The following SPON1 variants were observed in gnomAD, a reference collection of about 807,000 sequenced individuals.
SPON1 encodes spondin-1.
SPON1 carries 52 observed loss-of-function variants against 111.7 expected under a neutral mutation model. The observed-to-expected ratio is 0.47, with a 90% CI of 0.37 to 0.59. The LOEUF (loss-of-function observed/expected upper bound fraction) is 0.59. SPON1 is among the 20% of genes least tolerant of loss of function. The pLI, the probability that SPON1 is intolerant of heterozygous loss-of-function variation, is 0.00. For synonymous variants in SPON1, 410 were observed against 395.8 expected (o/e 1.04, Z -0.43); for missense variants, 957 against 1,068.5 (o/e 0.90, Z 1.46).
intron 5 of SPON1, among the ~76,000 whole-genome samples, chr11:14,117,929 G>A (rs949060350): frequency 1.9e-4 from 29 of 152,160 alleles, no homozygotes; most frequent in African/African-American, 6.5e-4. Context: ...GTTAGACAAT[G>A]CATAATAAAG....
intron 2 of SPON1, among the ~76,000 whole-genome samples, chr11:14,004,212 A>G (rs564387267): frequency 1.3e-5 from 2 of 152,034 alleles, no homozygotes; most frequent in African/African-American, 4.8e-5. Context: ...CCATTTGTAC[A>G]TTTCCTACAT....
At chr11:14,221,791 G>C (rs532963348) in intron 6 of SPON1, among the ~76,000 whole-genome samples, 51 of 152,292 alleles carry the variant, frequency 3.3e-4, no homozygotes, top group Non-Finnish European at 6.5e-4. Context: ...CAAGAGGAAA[G>C]GTCAGGCTCC....
At chr11:14,067,422 A>G (rs1554920472) in intron 3 of SPON1, among the ~76,000 whole-genome samples, 1 of 152,204 alleles carries the variant, frequency 6.6e-6, no homozygotes, top group African/African-American at 2.4e-5. Flanking sequence ...GCCCCAGGGT[A>G]AGTGACTGCT....
chr11:13,970,234 G>A (rs900489346), intron 1 of SPON1, among the ~76,000 whole-genome samples: 3 of 152,198 alleles, frequency 2.0e-5, no homozygotes, highest in Admixed American at 6.5e-5. Context: ...GTGCAGATAG[G>A]ACAGGGCAAG....
At chr11:13,973,775 G>A (rs931274991) in intron 1 of SPON1, among the ~76,000 whole-genome samples, 1 of 152,192 alleles carries the variant, frequency 6.6e-6, no homozygotes, top group Admixed American at 6.5e-5. Context: ...TGTTTTACAG[G>A]TAAGGACATG....
chr11:14,131,162 C>G (rs1449220686), intron 5 of SPON1, among the ~76,000 whole-genome samples: 1 of 152,158 alleles, frequency 6.6e-6, no homozygotes, highest in South Asian at 2.1e-4. Flanking sequence ...TTTCTAGAGT[C>G]CATCCAATCG....
chr11:14,004,068 A>G (rs150637748), intron 2 of SPON1, among the ~76,000 whole-genome samples: 294 of 152,280 alleles, frequency 1.9e-3, no homozygotes, highest in African/African-American at 6.8e-3. Context: ...TTCACTTAGC[A>G]TAATGTCTTC....
intron 2 of SPON1, among the ~76,000 whole-genome samples, chr11:14,018,791 C>A (rs1002033497): frequency 1.3e-5 from 2 of 152,114 alleles, no homozygotes; most frequent in Non-Finnish European, 2.9e-5. Flanking sequence ...AAGGCTCCAA[C>A]GGTACAACAA....
chr11:14,159,028 A>C (rs1249195620), intron 6 of SPON1, among the ~76,000 whole-genome samples: 1 of 152,108 alleles, frequency 6.6e-6, no homozygotes, highest in African/African-American at 2.4e-5. Context: ...GGGAAATATA[A>C]TATTACATCA....
At chr11:14,121,830 T>G (rs1847391961) in intron 5 of SPON1, among the ~76,000 whole-genome samples, 1 of 152,200 alleles carries the variant, frequency 6.6e-6, no homozygotes, top group Admixed American at 6.5e-5. Flanking sequence ...AAAAAAACGT[T>G]TTATTTTTAC....
At chr11:14,160,818 A>ATTTT (rs1554931035) in intron 6 of SPON1, among the ~76,000 whole-genome samples, 1 of 49,326 alleles carries the variant, frequency 2.0e-5, no homozygotes, top group African/African-American at 7.7e-5. Flanking sequence ...ATATTTTTAT[A>ATTTT]TATATTTTAT....
chr11:14,249,102 C>T (rs1225413905), intron 7 of SPON1, among the ~76,000 whole-genome samples: 1 of 152,192 alleles, frequency 6.6e-6, no homozygotes, highest in Non-Finnish European at 1.5e-5. Flanking sequence ...TATTTCCTTC[C>T]TTAAAATGAA....
chr11:14,261,735 T>C (rs1242736891), intron 14 of SPON1, among the ~76,000 whole-genome samples: 1 of 152,032 alleles, frequency 6.6e-6, no homozygotes, highest in African/African-American at 2.4e-5. Flanking sequence ...TGGGGCCCCA[T>C]AGCCTTCTGA....
At chr11:14,010,852 A>AT (rs1429066436) in intron 2 of SPON1, among the ~76,000 whole-genome samples, 4 of 152,222 alleles carry the variant, frequency 2.6e-5, no homozygotes, top group African/African-American at 9.6e-5. Context: ...GCTTGAAGAC[A>AT]TATTACTGTC....
At position 14,266,782 on chromosome 11, in the gene SPON1, A is replaced by T. The variant is rs950140865; in HGVS notation, c.*1095A>T. 4 of 152,148 alleles carry T rather than the reference A, an allele frequency of 2.6e-5. No homozygotes were observed. The highest frequency in any genetic ancestry group is 1.3e-4 in the Admixed American group (2 of 15,264). The allele number at this position is 152,148 out of a possible 1,614,324, so 9.4% of individuals were successfully genotyped here. A position where few individuals can be genotyped will look rare whatever the true frequency, so the allele number is the denominator to read the frequency against. ...AACAAATCTAAGGGAAAGGAATATT[A>T]TGGGATTAAGCTGAGCAAGCAATTC... On this transcript the variant is annotated 3_prime_UTR_variant, in exon 16 of 16. Coordinates refer to ENST00000576479, the MANE Select transcript of SPON1 (RefSeq NM_006108.4).
At chr11:14,145,091 T>C (rs1554929195) in intron 6 of SPON1, among the ~76,000 whole-genome samples, 1 of 152,238 alleles carries the variant, frequency 6.6e-6, no homozygotes, top group Non-Finnish European at 1.5e-5. Context: ...AGATACTCGA[T>C]ACAGAAATTA....
At chr11:14,126,677 G>A (rs1428989128) in intron 5 of SPON1, among the ~76,000 whole-genome samples, 1 of 152,144 alleles carries the variant, frequency 6.6e-6, no homozygotes, top group Non-Finnish European at 1.5e-5. Context: ...AGCCAAAAAG[G>A]ATAGTGATAG....
At chr11:14,006,031 A>G (rs1366826599) in intron 2 of SPON1, among the ~76,000 whole-genome samples, 1 of 152,242 alleles carries the variant, frequency 6.6e-6, no homozygotes, top group African/African-American at 2.4e-5. Context: ...AAACATTAGT[A>G]ATTATTATTA....
chr11:14,042,319 CA>C (rs1470770927), intron 3 of SPON1, among the ~76,000 whole-genome samples: 1 of 151,670 alleles, frequency 6.6e-6, no homozygotes, highest in Non-Finnish European at 1.5e-5. Flanking sequence ...CAAATGTTTG[CA>C]AAATGCTGTG....
Sources: gnomAD v4.1 joint callset for allele counts (sites outside exome capture counted in the v4.1 genomes callset) on GRCh38, gnomAD v4.1.1 for gene constraint, MANE v1.5 for transcripts, NCBI Gene and HGNC (gene_info 2026-07-23, HGNC 2026-07-21) for gene names.